The following TTN variants were observed in gnomAD, a reference collection of about 807,000 sequenced individuals.
TTN encodes the protein titin, also known as connectin.
A neutral mutation model predicts 3,223.0 loss-of-function variants in TTN; 1,525 were observed. That is an observed-to-expected ratio of 0.47 (90% CI 0.45 to 0.49). The LOEUF is 0.49. TTN is among the 20% of genes least tolerant of loss of function. TTN has a pLI of 0.00. For synonymous variants in TTN, 14,094 were observed against 15,161.0 expected (o/e 0.93, Z 5.17); for missense variants, 40,786 against 43,424.0 (o/e 0.94, Z 5.40).
chr2:178,560,234 A>C lies in TTN; in HGVS notation c.85898T>G (p.Leu28633Arg). Residue 28633 changes from leucine to arginine, a missense_variant, in exon 326 of 363, where the codon CTA (leucine) becomes CGA (arginine). Physicochemically the swap from Leu to Arg is moderately radical, Grantham distance 102. Transcript: ENST00000589042. ...YRVYAENAAG[L>R]SLPSETSPLI... Reference sequence around the variant, plus strand: ...GGGAGAGGTTTCACTTGGAAGACTTAGGCCAGCAGCATTTTCTGCATAAAC... The same window carrying C: ...GGGAGAGGTTTCACTTGGAAGACTTCGGCCAGCAGCATTTTCTGCATAAAC... 2 of 1,613,836 alleles carry C rather than the reference A, an allele frequency of 1.2e-6. No individual in the cohort carries two copies. The highest frequency in any genetic ancestry group is 1.7e-6 in the Non-Finnish European group (2 of 1,179,790).
chr2:178,766,665 C>G, intron 40 of TTN, 53 bp from the exon 41 acceptor site: 1 of 1,410,686 alleles, frequency 7.1e-7, no homozygotes, highest in Non-Finnish European at 1.0e-6. Flanking sequence ...ACTTGAAGCT[C>G]TGGTTTCCTC....
Position 178,570,370 on chromosome 2 carries a change from C to T in TTN, c.75762G>A (p.Val25254=), listed in dbSNP as rs374003257. The part of the protein sequence containing the change: ...RRETSRLVWT[V]VDANVQTLSC... ...TGAGAGTCTGCACATTGGCATCAACCACAGTCCAAACTAAGCGGCTGGTTT... is the reference window on the plus strand; with the variant it reads ...TGAGAGTCTGCACATTGGCATCAACTACAGTCCAAACTAAGCGGCTGGTTT... Residue 25254 remains valine (V), a synonymous_variant, in exon 326 of 363, where the codon GTG becomes GTA. Transcript: ENST00000589042. 1.9e-6 allele frequency: 3 copies of T among 1,613,196 alleles called. No homozygotes were observed. Among genetic ancestry groups the T allele is most frequent in the East Asian group, 4.5e-5 (2 of 44,700 alleles).
Position 178,552,904 on chromosome 2 carries a change from T to A in TTN, c.89996A>T (p.Glu29999Val), listed in dbSNP as rs1249458719. 6.2e-7 allele frequency: 1 copy of A among 1,613,788 alleles called. No individual in the cohort carries two copies. Among genetic ancestry groups the A allele is most frequent in the Non-Finnish European group, 8.5e-7 (1 of 1,179,816 alleles). Residue 29999 changes from glutamate to valine, a missense_variant, in exon 335 of 363, where the codon GAG (glutamate) becomes GTG (valine). Transcript: ENST00000589042. ...AACTCTGAAGAAGAATGGAGTCTTC[T>A]CCGACAAATCTATTAGCTTGAAGGA... Reference protein sequence around the residue: ...STSFKLIDLSEKTPFFFRVLA... With the variant: ...STSFKLIDLSVKTPFFFRVLA...
rs1295942965 is a variant in TTN, at chr2:178,674,413, TA to T, written c.34613-5del. ...TCTTCTTCAGGCTCCTCAGTCACTT[TA>T]AAAAGATTATTATTTTGTAAATTAT... On this transcript the variant is annotated splice_polypyrimidine_tract_variant and splice_region_variant and intron_variant, in intron 150 of 362. Transcript: ENST00000589042. The T allele has an allele frequency of 1.4e-6, 2 of 1,457,766 alleles. No homozygotes were observed. Among genetic ancestry groups the T allele is most frequent in the African/African-American group, 2.9e-5 (2 of 69,958 alleles). 90.3% of individuals were successfully genotyped at this position (1,457,766 alleles called of 1,614,324 possible).
Position 178,633,967 on chromosome 2 carries a change from C to T in TTN, c.42532G>A (p.Asp14178Asn). The T allele has an allele frequency of 1.9e-6, 3 of 1,613,344 alleles. No individual in the cohort carries two copies. Among genetic ancestry groups the T allele is most frequent in the Non-Finnish European group, 2.5e-6 (3 of 1,179,524 alleles). Residue 14178 changes from aspartate (D) to asparagine (N), a missense_variant, in exon 231 of 363, where the codon GAT (aspartate) becomes AAT (asparagine). By Grantham distance (23) the Asp-to-Asn change is conservative (BLOSUM62 1). Coordinates refer to ENST00000589042, the MANE Select transcript of TTN (RefSeq NM_001267550.2). ...GTTCTGCTTGTATGGAGTTTGGCAT[C>T]ATTTTTGAACCAGACTACATGCATT... ...EKMHVVWFKN[D>N]AKLHTSRTVL...
rs1196945123 is a variant in TTN, at chr2:178,530,532, A to G, written c.106083T>C (p.Ile35361=). Residue 35361 remains isoleucine, a synonymous_variant, in exon 358 of 363, where the codon ATT becomes ATC. Coordinates refer to ENST00000589042, the MANE Select transcript of TTN (RefSeq NM_001267550.2). The stretch of plus-strand genomic sequence containing the variant: ...TTTTAGACGTTCCACCTTCACCAGA[A>G]ATCTCACAAACATATTCTCCTTGAT... ...ESDQGEYVCE[I]SGEGGTSKTN... The G allele has an allele frequency of 3.7e-6, 6 of 1,614,004 alleles. No individual in the cohort carries two copies. In the Admixed American group the frequency reaches 1.0e-4, roughly 27 times the overall value.
chr2:178,572,153 CT>C lies in TTN; in HGVS notation c.73978del (p.Ser24660ValfsTer20). On this transcript the variant is annotated frameshift_variant, in exon 326 of 363. Transcript: ENST00000589042. LOFTEE classifies it high-confidence loss of function. ...TGTGGCACACGTGGCCCATTTGTCA[CT>C]GCCTTTGGTCTGCATCTCCACAATG... Reference protein sequence around the residue: ...GYIVEMQTKGSDKWATCATVK... With the variant: ...GYIVEMQTKGXDKWATCATVK... The C allele has an allele frequency of 6.2e-7, 1 of 1,613,450 alleles. No individual in the cohort carries two copies. Among genetic ancestry groups the C allele is most frequent in the Non-Finnish European group, 8.5e-7 (1 of 1,179,632 alleles).
At chr2:178,793,617 A>T in intron 8 of TTN, 76 bp from the exon 9 acceptor site, 1 of 1,595,140 alleles carries the variant, frequency 6.3e-7, no homozygotes, top group South Asian at 1.1e-5. Context: ...AGCCTCGCCA[A>T]CATGGTGAAA....
Position 178,730,264 on chromosome 2 carries a change from A to G in TTN, c.18136T>C (p.Phe6046Leu). 6.2e-7 allele frequency: 1 copy of G among 1,612,978 alleles called. No individual in the cohort carries two copies. Among genetic ancestry groups the G allele is most frequent in the Middle Eastern group, 1.7e-4 (1 of 6,056 alleles). ...GGTAPMTIKW[F>L]KDNKELHSGA... ...GAGTGTAACTCTTTGTTATCTTTAA[A>G]CCACTTTATTGTCATGGGTGCAGTG... is the stretch of plus-strand genomic sequence containing the variant. The change falls in exon 62 of 363, where the codon TTT becomes CTT. Residue 6046 changes from phenylalanine to leucine, a missense_variant. Phe to Leu is a conservative substitution (Grantham distance 22). Transcript: ENST00000589042.
rs766794309 is a variant in TTN at position 178,678,864 on chromosome 2, T to A, written c.33743-34A>T. ...ATATCAAATAGAGTTAGTGTCACATTTTTTACCCATAGCTAAGATTTTAAG... is the reference window on the plus strand; with the variant it reads ...ATATCAAATAGAGTTAGTGTCACATATTTTACCCATAGCTAAGATTTTAAG... On this transcript the variant is annotated intron_variant, in intron 142 of 362. Coordinates refer to ENST00000589042, the MANE Select transcript of TTN (RefSeq NM_001267550.2). 9 of 1,542,762 alleles carry A rather than the reference T, an allele frequency of 5.8e-6. No individual in the cohort carries two copies. The East Asian group carries it at 1.9e-4, about 33-fold the overall frequency.
chr2:178,746,191 G>T, intron 47 of TTN: 1 of 1,613,210 alleles, frequency 6.2e-7, no homozygotes, highest in Non-Finnish European at 8.5e-7. Context: ...GGATCCCTAT[G>T]ACTGAACATT....
rs147564393 is a variant in TTN, at chr2:178,664,425, A to G, written c.36280+35T>C. 6.3e-5 allele frequency: 96 copies of G among 1,523,950 alleles called. No homozygotes were observed. The Middle Eastern group carries it at 6.9e-4, about 11-fold the overall frequency. The allele number at this position is 1,523,950 out of a possible 1,614,324, so 94.4% of individuals were successfully genotyped here. On this transcript the variant is annotated intron_variant, in intron 168 of 362. Transcript: ENST00000589042. ...GGTGGTCCTTTCTATCGCCCCACCCACTATCCCACCATAAAAAGACAGTTA... is the reference window on the plus strand; with the variant it reads ...GGTGGTCCTTTCTATCGCCCCACCCGCTATCCCACCATAAAAAGACAGTTA...
rs1690803197 is a variant in TTN, at chr2:178,535,028, C to T, written c.101587G>A (p.Glu33863Lys). The change falls in exon 358 of 363, where the codon GAA (glutamate) becomes AAA (lysine). Residue 33863 changes from glutamate (E) to lysine (K), a missense_variant. By Grantham distance (56) the Glu-to-Lys change is moderately conservative (BLOSUM62 1). Transcript: ENST00000589042. Reference sequence around the variant, plus strand: ...CTAGCAATATTCAGAATGGAAATTTCCTTCTTTACCAAAACCTGATCAGTC... The same window carrying T: ...CTAGCAATATTCAGAATGGAAATTTTCTTCTTTACCAAAACCTGATCAGTC... ...KGTDQVLVKK[E>K]ISILNIARHR... is the part of the protein sequence containing the mutation. 1.2e-6 allele frequency: 2 copies of T among 1,613,864 alleles called. No homozygotes were observed. The highest frequency in any genetic ancestry group is 1.7e-6 in the Non-Finnish European group (2 of 1,179,856).
In TTN at chr2:178,531,023, T is replaced by C. The variant is rs1363509929; in HGVS notation, c.105592A>G (p.Asn35198Asp). ...ISSVQASDEG[N>D]YSVVVENSEG... ...CTGTTTTCTACCACCACGCTGTAAT[T>C]GCCCTCATCGGAAGCCTGGACTGAA... is the stretch of plus-strand genomic sequence containing the variant. Residue 35198 changes from asparagine (N) to aspartate (D), a missense_variant, in exon 358 of 363, where the codon AAT (asparagine) becomes GAT (aspartate). Transcript: ENST00000589042. The C allele has an allele frequency of 6.2e-7, 1 of 1,613,986 alleles. No individual in the cohort carries two copies. Among genetic ancestry groups the C allele is most frequent in the Non-Finnish European group, 8.5e-7 (1 of 1,179,896 alleles).
chr2:178,786,176 A>C (rs766445169), intron 13 of TTN, 35 bp from the exon 14 acceptor site: 1 of 1,609,280 alleles, frequency 6.2e-7, no homozygotes, highest in South Asian at 1.1e-5. Flanking sequence ...ATACATAGGA[A>C]TATCGAGATC....
Position 178,667,680 on chromosome 2 carries a change from G to A in TTN, c.35587C>T (p.Leu11863Phe). The change falls in exon 160 of 363, where the codon CTT becomes TTT. Residue 11863 changes from leucine (L) to phenylalanine (F), a missense_variant. Transcript: ENST00000589042. ...TTTGTCTTTTGAGGTTGAGTCACAA[G>A]TACTTTTTCTTCTAGGACTGCTTCT... ...SEEAVLEEKV[L>F]VTQPQKTKPK... is the part of the protein sequence containing the mutation. 1 of 1,597,232 alleles carries A rather than the reference G, an allele frequency of 6.3e-7. No individual in the cohort carries two copies. Among genetic ancestry groups the A allele is most frequent in the Non-Finnish European group, 8.5e-7 (1 of 1,179,154 alleles).
intron 3 of TTN, 117 bp from the exon 4 acceptor site, chr2:178,800,799 C>A (rs768233166): frequency 3.7e-5 from 42 of 1,134,116 alleles, no homozygotes; most frequent in African/African-American, 4.7e-5. Context: ...ATCTAAACAT[C>A]CTTGAATGTC....
chr2:178,672,055 T>C lies in TTN; in HGVS notation c.35143A>G (p.Arg11715Gly). Residue 11715 changes from arginine (R) to glycine (G), a missense_variant, in exon 155 of 363, where the codon AGA (arginine) becomes GGA (glycine). Arg to Gly is a moderately radical substitution (Grantham distance 125). Transcript: ENST00000589042. ...LEQHRVEEEH[R>G]VEKVHRVIEV... ...ATTACCCTATGAACTTTTTCAACTCTGTGTTCTTCTTCAACTCTATGTTGT... is the reference window on the plus strand; with the variant it reads ...ATTACCCTATGAACTTTTTCAACTCCGTGTTCTTCTTCAACTCTATGTTGT... 6.2e-7 allele frequency: 1 copy of C among 1,611,570 alleles called. No homozygotes were observed. Among genetic ancestry groups the C allele is most frequent in the Non-Finnish European group, 8.5e-7 (1 of 1,178,964 alleles).
rs184104245 is a variant in TTN, at chr2:178,697,531, A to G, written c.30755-363T>C. Among the ~76,000 whole-genome samples, 305 of 152,282 alleles carry G rather than the reference A, an allele frequency of 2.0e-3. 4 individuals carry two copies. The highest frequency in any genetic ancestry group is 6.2e-3 in the African/African-American group (257 of 41,584). On this transcript the variant is annotated intron_variant, in intron 112 of 362. Transcript: ENST00000589042. ...AAAAATAACACATTAGACTTTTTCA[A>G]TTATTAACTATGAAGTTCATGAAAT...
Sources: allele counts gnomAD v4.1 joint callset (sites outside exome capture counted in the v4.1 genomes callset), GRCh38; gene constraint gnomAD v4.1.1; transcripts MANE v1.5; gene names NCBI Gene and HGNC (gene_info 2026-07-23, HGNC 2026-07-21).